The following PCDHGA3 variants were observed in gnomAD, a reference collection of about 807,000 sequenced individuals.
PCDHGA3 encodes protocadherin gamma subfamily A, 3, also known as protocadherin gamma-A3.
Under a neutral mutation model 58.5 loss-of-function variants are expected in PCDHGA3, and 40 were observed. The observed-to-expected ratio is 0.68, with a 90% confidence interval of 0.53 to 0.89. The LOEUF is 0.89. PCDHGA3 is among the 40% of genes least tolerant of loss of function. The pLI, the probability that PCDHGA3 is intolerant of heterozygous loss-of-function variation, is 0.00. For missense variants in PCDHGA3, 1,223 were observed against 1,195.9 expected (o/e 1.02, Z -0.33); for synonymous variants, 530 against 525.7 (o/e 1.01, Z -0.11).
At chr5:141,365,595 T>C (rs746207657) in intron 1 of PCDHGA3, 1 of 1,613,672 alleles carries the variant, frequency 6.2e-7, no homozygotes, top group Admixed American at 1.7e-5. Context: ...AATATCACTT[T>C]AACCGTCATG....
rs372168887 is a variant in PCDHGA3, at chr5:141,477,322, C to T, written c.2425-17485C>T. On this transcript the variant is annotated intron_variant, in intron 1 of 3. Transcript: ENST00000253812. The surrounding 1 kb of genome is among the most constrained non-coding windows in gnomAD (Gnocchi z 4.9). The stretch of plus-strand genomic sequence containing the variant: ...GTCTCCCTTTCAGCCTTACTTCTTC[C>T]CTCAAGAATTACTTCACTTTGAAAA... 17 of 1,614,050 alleles carry T rather than the reference C, an allele frequency of 1.1e-5. No homozygotes were observed. In the African/African-American group the frequency reaches 1.5e-4, roughly 14 times the overall value.
intron 1 of PCDHGA3, among the ~76,000 whole-genome samples, chr5:141,444,862 A>G (rs781224880): frequency 1.8e-4 from 28 of 152,198 alleles, no homozygotes; most frequent in Non-Finnish European, 2.9e-4. Flanking sequence ...AAGTCTTACT[A>G]CAGGACAAAG....
intron 1 of PCDHGA3, 129 bp from the exon 2 acceptor site, chr5:141,494,678 G>T: frequency 1.3e-6 from 2 of 1,554,384 alleles, no homozygotes; most frequent in East Asian, 4.7e-5. Flanking sequence ...GTCCACCCCT[G>T]CCCCCTCTTA....
At chr5:141,356,117 G>A (rs1012623543) in intron 1 of PCDHGA3, 2 of 1,613,752 alleles carry the variant, frequency 1.2e-6, no homozygotes, top group Non-Finnish European at 1.7e-6. Flanking sequence ...ATATTGGGGG[G>A]TCTAGATTAT....
chr5:141,445,334 A>G (rs1337991795), intron 1 of PCDHGA3, among the ~76,000 whole-genome samples: 1 of 152,224 alleles, frequency 6.6e-6, no homozygotes, highest in African/African-American at 2.4e-5. Context: ...ATCCAGAAAC[A>G]GTAAACATTG....
intron 1 of PCDHGA3, chr5:141,392,785 T>C: frequency 1.3e-6 from 2 of 1,549,118 alleles, no homozygotes; most frequent in Non-Finnish European, 1.7e-6. Flanking sequence ...ACAGTGAAGA[T>C]TCTGAGAGGA....
chr5:141,432,707 G>T lies in PCDHGA3; in HGVS notation c.2425-62100G>T. The T allele has an allele frequency of 6.2e-7, 1 of 1,613,988 alleles. No homozygotes were observed. The highest frequency in any genetic ancestry group is 1.1e-5 in the South Asian group (1 of 91,080). ...CCTCGTAGTGGCCGTCCAGGACCAC[G>T]GCCAGCCCCCTCTCTCCGCCACTGT... On this transcript the variant is annotated intron_variant, in intron 1 of 3. Transcript: ENST00000253812. The surrounding 1 kb of genome is among the most constrained non-coding windows in gnomAD (Gnocchi z 6.0).
chr5:141,352,557 T>G (rs759005567), intron 1 of PCDHGA3: 1 of 1,613,974 alleles, frequency 6.2e-7, no homozygotes, highest in South Asian at 1.1e-5. Flanking sequence ...TCTCTCAACC[T>G]GACACCGGAA....
At chr5:141,419,665 C>T in intron 1 of PCDHGA3, 1 of 1,612,860 alleles carries the variant, frequency 6.2e-7, no homozygotes, top group East Asian at 2.2e-5. Flanking sequence ...GGCACAATGC[C>T]TGGCTGTCCT....
rs2095943632 is a variant in PCDHGA3 at position 141,415,767 on chromosome 5, TTTTTTACTTTC to T, written c.2424+69312_2424+69322del. ...TTTTTTTTTTTTTTTTTTTTTTTTT[TTTTTTACTTTC>T]TGGTAAAATTCACCTAGTCTCAATC... is the stretch of plus-strand genomic sequence containing the variant. On this transcript the variant is annotated intron_variant, in intron 1 of 3. Transcript: ENST00000253812. 3.1e-6 allele frequency: 4 copies of T among 1,300,754 alleles called. No individual in the cohort carries two copies. The Admixed American group carries it at 1.4e-4, about 46-fold the overall frequency. The allele number at this position is 1,300,754 out of a possible 1,614,324, so 80.6% of individuals were successfully genotyped here.
At chr5:141,410,235 G>A (rs753193390) in intron 1 of PCDHGA3, 2 of 1,613,970 alleles carry the variant, frequency 1.2e-6, no homozygotes, top group South Asian at 1.1e-5. Context: ...CTCAGCGACC[G>A]CCCTGTACTC....
Position 141,418,592 on chromosome 5 carries a change from G to A in PCDHGA3, c.2424+72135G>A, listed in dbSNP as rs772314584. Reference sequence around the variant, plus strand: ...TGACAACCCCCCAGTGTTCAGCCAGGACGTGTACAGGGTTAGCCTTCGGGA... The same window carrying A: ...TGACAACCCCCCAGTGTTCAGCCAGAACGTGTACAGGGTTAGCCTTCGGGA... On this transcript the variant is annotated intron_variant, in intron 1 of 3. Transcript: ENST00000253812. 18 of 1,614,020 alleles carry A rather than the reference G, an allele frequency of 1.1e-5. No homozygotes were observed. The highest frequency in any genetic ancestry group is 1.5e-5 in the Non-Finnish European group (18 of 1,179,902).
At position 141,422,030 on chromosome 5, in the gene PCDHGA3, C is replaced by T. The variant is rs1404612424; in HGVS notation, c.2425-72777C>T. ...ACTCGGGTGCTGATGGTTAATGCAA[C>T]GGATCCAGACGAGGGAATCAACGGG... On this transcript the variant is annotated intron_variant, in intron 1 of 3. Coordinates refer to ENST00000253812, the MANE Select transcript of PCDHGA3 (RefSeq NM_018916.4). 3 of 1,609,592 alleles carry T rather than the reference C, an allele frequency of 1.9e-6. No homozygotes were observed. The South Asian group carries it at 3.3e-5, about 18-fold the overall frequency.
intron 1 of PCDHGA3, among the ~76,000 whole-genome samples, chr5:141,397,615 C>A (rs2093545668): frequency 6.6e-6 from 1 of 152,144 alleles, no homozygotes; most frequent in Admixed American, 6.5e-5. Context: ...AAGGGCAATA[C>A]TTAGTTCTAG....
At position 141,352,169 on chromosome 5, in the gene PCDHGA3, C is replaced by T. The variant is rs769039545; in HGVS notation, c.2424+5712C>T. The T allele has an allele frequency of 2.2e-5, 35 of 1,613,424 alleles. No homozygotes were observed. In the South Asian group the frequency reaches 3.5e-4, roughly 16 times the overall value. Reference sequence around the variant, plus strand: ...GGGCGACAGGGACGCGGCCCGCCAGCGCCTGCTGGTCGCTGTGCGTGATGG... The same window carrying T: ...GGGCGACAGGGACGCGGCCCGCCAGTGCCTGCTGGTCGCTGTGCGTGATGG... On this transcript the variant is annotated intron_variant, in intron 1 of 3. Coordinates refer to ENST00000253812, the MANE Select transcript of PCDHGA3 (RefSeq NM_018916.4).
At chr5:141,481,913 C>CAAA (rs34114744) in intron 1 of PCDHGA3, among the ~76,000 whole-genome samples, 3 of 90,796 alleles carry the variant, frequency 3.3e-5, no homozygotes, top group Non-Finnish European at 4.4e-5. Flanking sequence ...AACTCCATCT[C>CAAA]AAAAAAAAAA....
At chr5:141,396,683 T>G (rs1445621329) in intron 1 of PCDHGA3, 1 of 152,136 alleles carries the variant, frequency 6.6e-6, no homozygotes, top group Non-Finnish European at 1.5e-5. Context: ...ATTGTATTCC[T>G]GCATACCTTC....
chr5:141,419,258 C>A, intron 1 of PCDHGA3: 3 of 1,614,028 alleles, frequency 1.9e-6, no homozygotes, highest in Non-Finnish European at 2.5e-6. Flanking sequence ...AAACAACCAG[C>A]CGGGTGCCTC....
intron 3 of PCDHGA3, among the ~76,000 whole-genome samples, chr5:141,505,868 G>T (rs2099848820): frequency 6.6e-6 from 1 of 152,170 alleles, no homozygotes; most frequent in Admixed American, 6.5e-5. Context: ...GGACCCCAAA[G>T]GGTTGTTGTA....
Sources: gnomAD v4.1 joint callset for allele counts (sites outside exome capture counted in the v4.1 genomes callset) on GRCh38, gnomAD v4.1.1 for gene constraint, Gnocchi (gnomAD v3.1) non-coding constraint, MANE v1.5 for transcripts, NCBI Gene and HGNC (gene_info 2026-07-23, HGNC 2026-07-21) for gene names.